SHPK: variants seen among roughly 807,000 people sequenced by gnomAD.
The protein encoded by SHPK is carbohydrate kinase-like protein.
SHPK carries 51 observed loss-of-function variants against 46.3 expected under a neutral mutation model. The observed-to-expected ratio is 1.10, with a 90% CI of 0.88 to 1.39. The LOEUF is 1.39. Ranked by LOEUF, SHPK falls within the 40% of genes most tolerant of loss-of-function variation. The pLI, the probability that SHPK is intolerant of heterozygous loss-of-function variation, is 0.00. For synonymous variants in SHPK, 290 were observed against 273.9 expected, an observed-to-expected ratio of 1.06 and a Z score of -0.58; for missense variants, 668 against 641.3, an observed-to-expected ratio of 1.04 and a Z score of -0.45.
At chr17:3,627,048 C>T (rs2075442712) in intron 2 of SHPK, among the ~76,000 whole-genome samples, 1 of 152,170 alleles carries the variant, frequency 6.6e-6, no homozygotes, top group Admixed American at 6.6e-5. Context: ...CAATGCTGAA[C>T]ATCTTTCCAG....
chr17:3,631,022 C>T (rs1013545455), intron 1 of SHPK, among the ~76,000 whole-genome samples: 1 of 152,178 alleles, frequency 6.6e-6, no homozygotes, highest in African/African-American at 2.4e-5. Context: ...TCTTGCTTCC[C>T]TCCCGGGAGT....
At chr17:3,624,930 C>T (rs1177250075) in intron 2 of SHPK, among the ~76,000 whole-genome samples, 3 of 152,290 alleles carry the variant, frequency 2.0e-5, no homozygotes, top group Middle Eastern at 3.4e-3. Flanking sequence ...GCTAGGATTA[C>T]AGGCATGAGC....
At position 3,624,057 on chromosome 17, in the gene SHPK, A is replaced by C. The variant is rs1052048566; in HGVS notation, c.485T>G (p.Leu162Trp). 6.2e-7 allele frequency: 1 copy of C among 1,603,040 alleles called. No individual in the cohort carries two copies. The highest frequency in any genetic ancestry group is 2.2e-5 in the East Asian group (1 of 44,590). The change falls in exon 3 of 7, where the codon TTG becomes TGG. Residue 162 changes from leucine (L) to tryptophan (W), a missense_variant. Leu to Trp is a moderately conservative substitution (Grantham distance 61). Transcript: ENST00000225519. ...GFGCATIFWL[L>W]KYRPEFLKSY... ...GTGCAGTTGCCCGTACCGATATTTC[A>C]AAAGCCAGAAGATGGTTGCACAGCC...
At chr17:3,634,652 G>A (rs987688190) in intron 1 of SHPK, among the ~76,000 whole-genome samples, 1 of 151,142 alleles carries the variant, frequency 6.6e-6, no homozygotes, top group Non-Finnish European at 1.5e-5. Flanking sequence ...CCTAATGCCA[G>A]CTCTCCTGCT....
chr17:3,622,590 G>T lies in SHPK; in HGVS notation c.647+749C>A, dbSNP rs2075409410. 1.4e-5 allele frequency: 14 copies of T among 984,878 alleles called. No homozygotes were observed. The South Asian group carries it at 6.6e-4, about 46-fold the overall frequency. The allele number at this position is 984,878 out of a possible 1,614,324, so 61.0% of individuals were successfully genotyped here. A position where few individuals can be genotyped will look rare whatever the true frequency, so the allele number is the denominator to read the frequency against. ...GTTTTATTTCAGAGCTCAGAATTTG[G>T]GCCCTGAAGGAAGTGAACTTACAGG... is the stretch of plus-strand genomic sequence containing the variant. On this transcript the variant is annotated intron_variant, in intron 4 of 6. Transcript: ENST00000225519.
At chr17:3,620,781 G>C (rs945570834) in intron 5 of SHPK, among the ~76,000 whole-genome samples, 1 of 151,242 alleles carries the variant, frequency 6.6e-6, no homozygotes, top group Non-Finnish European at 1.5e-5. Flanking sequence ...GGCTGGTCTT[G>C]AACTCCTGAC....
chr17:3,623,993 C>T, intron 3 of SHPK, 55 bp downstream of exon 3: 1 of 1,522,886 alleles, frequency 6.6e-7, no homozygotes, highest in Non-Finnish European at 9.0e-7. Flanking sequence ...CAGCCCCGGC[C>T]TATTCTCATT....
intron 5 of SHPK, among the ~76,000 whole-genome samples, chr17:3,616,037 A>G (rs964026451): frequency 6.6e-6 from 1 of 151,970 alleles, no homozygotes; most frequent in African/African-American, 2.4e-5. Flanking sequence ...TATTTTTAGT[A>G]GAGATGGGGT....
chr17:3,624,235 G>C lies in SHPK; in HGVS notation c.311-4C>G. 1 of 1,595,570 alleles carries C rather than the reference G, an allele frequency of 6.3e-7. No individual in the cohort carries two copies. Among genetic ancestry groups the C allele is most frequent in the Non-Finnish European group, 8.6e-7 (1 of 1,166,424 alleles). The stretch of plus-strand genomic sequence containing the variant: ...CCTCCCTCTGTCCATTCACAGCCTG[G>C]AACAAAAGAGATGACCAAAAATGAA... On this transcript the variant is annotated splice_region_variant and splice_polypyrimidine_tract_variant and intron_variant, in intron 2 of 6. Coordinates refer to ENST00000225519, the MANE Select transcript of SHPK (RefSeq NM_013276.4).
intron 2 of SHPK, among the ~76,000 whole-genome samples, chr17:3,628,794 A>T (rs1305073269): frequency 1.3e-5 from 2 of 151,938 alleles, no homozygotes; most frequent in African/African-American, 2.4e-5. Flanking sequence ...GACTATAAAC[A>T]TGTCGCACCA....
At chr17:3,612,774 C>T (rs1268288904) in intron 6 of SHPK, among the ~76,000 whole-genome samples, 5 of 144,906 alleles carry the variant, frequency 3.5e-5, no homozygotes, top group African/African-American at 1.0e-4. Flanking sequence ...TTTTTTGAGA[C>T]GGAGTCTTGC....
At chr17:3,616,547 G>C (rs960468026) in intron 5 of SHPK, among the ~76,000 whole-genome samples, 3 of 152,140 alleles carry the variant, frequency 2.0e-5, no homozygotes, top group Admixed American at 2.0e-4. Flanking sequence ...CTGACCCTCA[G>C]AAACTGTCCA....
intron 6 of SHPK, among the ~76,000 whole-genome samples, chr17:3,612,943 T>C (rs172752): frequency 2.6e-5 from 4 of 151,940 alleles, no homozygotes; most frequent in Non-Finnish European, 4.4e-5. Context: ...GTAGAGACGG[T>C]GTTTCACCAT....
rs2150864080 is a variant in SHPK, at chr17:3,609,501, G to A, written c.*1059C>T. ...CAGCCATCCCTACCAATCACAAGAA[G>A]GCTTACAACGCTCTGGGATCCCTAC... On this transcript the variant is annotated 3_prime_UTR_variant, in exon 7 of 7. Coordinates refer to ENST00000225519, the MANE Select transcript of SHPK (RefSeq NM_013276.4). The A allele has an allele frequency of 6.6e-6, 1 of 152,230 alleles. No homozygotes were observed. Among genetic ancestry groups the A allele is most frequent in the South Asian group, 2.1e-4 (1 of 4,818 alleles). 9.4% of individuals were successfully genotyped at this position (152,230 alleles called of 1,614,324 possible). A position where few individuals can be genotyped will look rare whatever the true frequency, so the allele number is the denominator to read the frequency against.
chr17:3,635,240 A>AGGAAGGAAGGAAGGAAGGGAAG (rs1555556012), intron 1 of SHPK, among the ~76,000 whole-genome samples: 8 of 140,372 alleles, frequency 5.7e-5, no homozygotes, highest in East Asian at 4.9e-4. Flanking sequence ...GAAGGAAGGA[A>AGGAAGGAAGGAAGGAAGGGAAG]GGAAGGGAAG....
At position 3,610,906 on chromosome 17, in the gene SHPK, G is replaced by A. The variant is rs764684490; in HGVS notation, c.1091C>T (p.Thr364Ile). 1 of 1,613,988 alleles carries A rather than the reference G, an allele frequency of 6.2e-7. No homozygotes were observed. Among genetic ancestry groups the A allele is most frequent in the East Asian group, 2.2e-5 (1 of 44,886 alleles). The change falls in exon 7 of 7, where the codon ACC (threonine) becomes ATC (isoleucine). Residue 364 changes from threonine to isoleucine, a missense_variant. Transcript: ENST00000225519. ...CACTGTCGGGGTGATGGTCAGGTGGGTATCTCTCTGCTGCACAGCTGCCTG... is the reference window on the plus strand; with the variant it reads ...CACTGTCGGGGTGATGGTCAGGTGGATATCTCTCTGCTGCACAGCTGCCTG... The part of the protein sequence containing the change: ...MIQAAVQQRD[T>I]HLTITPTVLG...
In SHPK at chr17:3,636,132, A is replaced by C; in HGVS notation, c.88T>G (p.Ser30Ala). ...CAGCTCGCCAGCACTGCGAACCCGG[A>C]TGGGTCGTCGGGCGCGGCCCTCAGC... Reference protein sequence around the residue: ...ALLRAAPDDPSGFAVLASCAR... With the variant: ...ALLRAAPDDPAGFAVLASCAR... Residue 30 changes from serine (S) to alanine (A), a missense_variant, in exon 1 of 7, where the codon TCC becomes GCC. By Grantham distance (99) the Ser-to-Ala change is moderately conservative. Coordinates refer to ENST00000225519, the MANE Select transcript of SHPK (RefSeq NM_013276.4). 6.2e-7 allele frequency: 1 copy of C among 1,611,474 alleles called. No individual in the cohort carries two copies. The highest frequency in any genetic ancestry group is 8.5e-7 in the Non-Finnish European group (1 of 1,178,888).
At chr17:3,629,792 C>A (rs2075459653) in intron 2 of SHPK, among the ~76,000 whole-genome samples, 1 of 150,004 alleles carries the variant, frequency 6.7e-6, no homozygotes, top group Admixed American at 6.7e-5. Context: ...TAAACAACGA[C>A]AAATGTGCCC....
rs11311796 is a variant in SHPK, at chr17:3,634,571, CAAAAAAAAAAA to C, written c.168+1470_168+1480del. Among the ~76,000 whole-genome samples the C allele has an allele frequency of 3.3e-5, 3 of 89,766 alleles. No individual in the cohort carries two copies. The Admixed American group carries it at 3.7e-4, about 11-fold the overall frequency. 58.9% of individuals were successfully genotyped at this position (89,766 alleles called of 152,430 possible). On this transcript the variant is annotated intron_variant, in intron 1 of 6. Transcript: ENST00000225519. ...TGGGTGACAGAGCGAGACCCTGTCT[CAAAAAAAAAAA>C]AAAAAAAAAAAGAAGTGCTCTATTT...
Sources: allele counts gnomAD v4.1 joint callset (sites outside exome capture counted in the v4.1 genomes callset), GRCh38; gene constraint gnomAD v4.1.1; transcripts MANE v1.5; gene names NCBI Gene and HGNC (gene_info 2026-07-23, HGNC 2026-07-21).